Variants in DAB2IP observed in about 807,000 individuals in gnomAD.
DAB2IP encodes the protein disabled homolog 2-interacting protein.
A neutral mutation model predicts 107.2 loss-of-function variants in DAB2IP; 28 were observed. The observed-to-expected ratio is 0.26, with a 90% CI of 0.19 to 0.36. DAB2IP has a LOEUF of 0.36. Among genes scored for constraint, DAB2IP ranks in the 10% least tolerant of loss-of-function variants. DAB2IP has a pLI of 1.00. For synonymous variants in DAB2IP, 755 were observed against 706.4 expected (o/e 1.07, Z -1.09); for missense variants, 1,400 against 1,644.7 (o/e 0.85, Z 2.57).
chr9:121,703,280 G>C (rs1829877867), intron 3 of DAB2IP, among the ~76,000 whole-genome samples: 1 of 152,162 alleles, frequency 6.6e-6, no homozygotes, highest in Non-Finnish European at 1.5e-5. Flanking sequence ...GGAAGTTAGG[G>C]TCTATTTTCC....
chr9:121,755,029 C>T (rs1269145753), intron 3 of DAB2IP, among the ~76,000 whole-genome samples: 1 of 152,246 alleles, frequency 6.6e-6, no homozygotes, highest in Non-Finnish European at 1.5e-5. Context: ...GTCTCTTCCA[C>T]TGAGGTATGA....
chr9:121,676,594 A>T (rs1589497440), intron 1 of DAB2IP, among the ~76,000 whole-genome samples: 1 of 151,236 alleles, frequency 6.6e-6, no homozygotes, highest in Non-Finnish European at 1.5e-5. Flanking sequence ...GGAGGTGGAG[A>T]TGCAACCAGC....
chr9:121,775,566 G>A (rs1480038577), intron 13 of DAB2IP, among the ~76,000 whole-genome samples: 2 of 152,180 alleles, frequency 1.3e-5, no homozygotes, highest in Admixed American at 1.3e-4. Context: ...ACTCCTCTCT[G>A]CAGCCACGCC....
chr9:121,649,066 G>C (rs576631502), upstream of DAB2IP, among the ~76,000 whole-genome samples: 1 of 152,126 alleles, frequency 6.6e-6, no homozygotes, highest in Non-Finnish European at 1.5e-5. Context: ...AAGGAGCCTG[G>C]GCTCTTTCTC....
At chr9:121,775,524 T>C (rs759133761) in intron 13 of DAB2IP, among the ~76,000 whole-genome samples, 20 of 152,200 alleles carry the variant, frequency 1.3e-4, no homozygotes, top group Non-Finnish European at 1.5e-5. Context: ...GATCCCGGCG[T>C]TGGCCTTTCC....
exon 16 of DAB2IP, chr9:121,783,105 G>A: frequency 9.5e-7 from 1 of 1,055,702 alleles, no homozygotes; most frequent in Non-Finnish European, 1.1e-6. Context: ...CTTCCTGGCT[G>A]TGAGGAACTG....
chr9:121,616,494 C>T (rs987524458), intron 1 of DAB2IP, among the ~76,000 whole-genome samples: 4 of 152,102 alleles, frequency 2.6e-5, no homozygotes, highest in South Asian at 2.1e-4. Context: ...TTTTTAAAGG[C>T]GTTGGCGGCT....
At position 121,678,947 on chromosome 9, in the gene DAB2IP, C is replaced by T. The variant is rs989571715; in HGVS notation, c.228+166C>T. On this transcript the variant is annotated intron_variant, in intron 2 of 15. Transcript: ENST00000408936. The stretch of plus-strand genomic sequence containing the variant: ...CCGATCCCTCAGCTGCTCCCATCTC[C>T]GTGGCTCAGCCCTGGTCCCGGGGGC... 2.2e-4 allele frequency: 138 copies of T among 627,270 alleles called. 1 individual carries two copies. The Admixed American group carries it at 2.8e-3, about 13-fold the overall frequency. The allele number at this position is 627,270 out of a possible 1,614,324, so 38.9% of individuals were successfully genotyped here.
At chr9:121,688,480 A>AG (rs1829003661) in intron 2 of DAB2IP, among the ~76,000 whole-genome samples, 1 of 152,178 alleles carries the variant, frequency 6.6e-6, no homozygotes, top group South Asian at 2.1e-4. Context: ...CAAGCCCCCC[A>AG]GGCTGTCCCA....
At chr9:121,695,559 G>A (rs1353879282) in intron 2 of DAB2IP, among the ~76,000 whole-genome samples, 2 of 152,218 alleles carry the variant, frequency 1.3e-5, no homozygotes, top group African/African-American at 2.4e-5. Context: ...ATGTGAGGGG[G>A]CTAGAGCTGC....
At chr9:121,759,841 G>A (rs762259466) in intron 5 of DAB2IP, 44 bp from the exon 6 acceptor site, 19 of 1,552,486 alleles carry the variant, frequency 1.2e-5, no homozygotes, top group East Asian at 9.3e-5. Context: ...GGGGTTGCAC[G>A]TGGCACCCCC....
At chr9:121,573,159 C>T (rs1278933705) in intron 1 of DAB2IP, among the ~76,000 whole-genome samples, 2 of 152,150 alleles carry the variant, frequency 1.3e-5, no homozygotes, top group Non-Finnish European at 2.9e-5. Flanking sequence ...TCACTCCAAC[C>T]TCTGCCTCCT....
At chr9:121,693,582 AGGAGC>A (rs1483236466) in intron 2 of DAB2IP, among the ~76,000 whole-genome samples, 10 of 152,308 alleles carry the variant, frequency 6.6e-5, no homozygotes, top group African/African-American at 2.4e-4. Flanking sequence ...CTGCCATGGG[AGGAGC>A]CGGGCCTTGG....
intron 11 of DAB2IP, among the ~76,000 whole-genome samples, chr9:121,771,165 G>A (rs1338714795): frequency 1.3e-5 from 2 of 152,132 alleles, no homozygotes; most frequent in East Asian, 3.9e-4. Flanking sequence ...GAATTCGGTG[G>A]CTCTGCCAGG....
intron 1 of DAB2IP, among the ~76,000 whole-genome samples, chr9:121,642,477 G>C (rs1387600948): frequency 6.9e-6 from 1 of 144,654 alleles, no homozygotes; most frequent in Non-Finnish European, 1.5e-5. Context: ...CACCACACCT[G>C]GCTTTTTTTT....
chr9:121,781,597 G>C, intron 15 of DAB2IP, 46 bp downstream of exon 15: 1 of 1,580,026 alleles, frequency 6.3e-7, no homozygotes, highest in South Asian at 1.1e-5. Flanking sequence ...TAAAGGGCCT[G>C]GGATTAGGAG....
Position 121,739,727 on chromosome 9 carries a change from T to G in DAB2IP, c.363-17286T>G, listed in dbSNP as rs765718524. Among the ~76,000 whole-genome samples, 7 of 152,114 alleles carry G rather than the reference T, an allele frequency of 4.6e-5. No individual in the cohort carries two copies. In the South Asian group the frequency reaches 1.2e-3, roughly 27 times the overall value. On this transcript the variant is annotated intron_variant, in intron 3 of 15. Transcript: ENST00000408936. ...TCCCAGAGGCGCTGTCAGGCAAGCA[T>G]GGAGACACATGGGTCCGGAGCTCAG...
intron 4 of DAB2IP, among the ~76,000 whole-genome samples, chr9:121,757,841 C>T (rs1589653441): frequency 6.6e-6 from 1 of 152,232 alleles, no homozygotes; most frequent in African/African-American, 2.4e-5. Context: ...AAGATTCCTA[C>T]CCCCAATAAT....
chr9:121,767,846 A>G (rs1408071078), intron 9 of DAB2IP, among the ~76,000 whole-genome samples: 7 of 152,162 alleles, frequency 4.6e-5, no homozygotes, highest in Admixed American at 2.0e-4. Flanking sequence ...GGACAAGGTT[A>G]GGGGTGATTA....
Sources: gnomAD v4.1 joint callset for allele counts (sites outside exome capture counted in the v4.1 genomes callset) on GRCh38, gnomAD v4.1.1 for gene constraint, MANE v1.5 for transcripts, NCBI Gene and HGNC (gene_info 2026-07-23, HGNC 2026-07-21) for gene names.